The following ZC3H11A variants were observed in gnomAD, a reference collection of about 807,000 sequenced individuals.
The protein encoded by ZC3H11A is zinc finger CCCH-type containing 11A.
Under a neutral mutation model 90.8 loss-of-function variants are expected in ZC3H11A, and 22 were observed. The observed-to-expected ratio is 0.24, with a 90% CI of 0.17 to 0.35. The LOEUF (loss-of-function observed/expected upper bound fraction) is 0.35. ZC3H11A is among the 10% of genes least tolerant of loss of function. The pLI is 1.00. For synonymous variants in ZC3H11A, 294 were observed against 339.8 expected (o/e 0.87, Z 1.48); for missense variants, 701 against 964.9 (o/e 0.73, Z 3.62).
chr1:203,805,185 C>T (rs1338212808), intron 2 of ZC3H11A, among the ~76,000 whole-genome samples: 1 of 149,348 alleles, frequency 6.7e-6, no homozygotes. Flanking sequence ...CTCTGTCGCC[C>T]AGGCTGTGGG....
intron 3 of ZC3H11A, among the ~76,000 whole-genome samples, chr1:203,817,722 A>C (rs1242092533): frequency 1.3e-5 from 2 of 151,984 alleles, no homozygotes; most frequent in Non-Finnish European, 2.9e-5. Context: ...TATATGTTAA[A>C]AAAATTTGTT....
At chr1:203,823,654 G>C (rs566449654) in intron 4 of ZC3H11A, among the ~76,000 whole-genome samples, 1 of 152,346 alleles carries the variant, frequency 6.6e-6, no homozygotes, top group Admixed American at 6.5e-5. Context: ...TCTAAGAGCT[G>C]CTATGCTAAC....
intron 4 of ZC3H11A, among the ~76,000 whole-genome samples, chr1:203,822,592 G>T (rs1320820444): frequency 6.6e-6 from 1 of 151,924 alleles, no homozygotes; most frequent in Non-Finnish European, 1.5e-5. Context: ...ACCCCACTTG[G>T]TCTTTGATGC....
chr1:203,809,181 T>TTTTG (rs1027452224), intron 2 of ZC3H11A, among the ~76,000 whole-genome samples: 2 of 140,462 alleles, frequency 1.4e-5, no homozygotes, highest in African/African-American at 5.3e-5. Flanking sequence ...TGTTTTTTTT[T>TTTTG]TTTTTTTTTT....
chr1:203,827,192 T>C (rs1271141322), intron 4 of ZC3H11A, among the ~76,000 whole-genome samples: 1 of 152,186 alleles, frequency 6.6e-6, no homozygotes, highest in Non-Finnish European at 1.5e-5. Flanking sequence ...CATTCTAGTA[T>C]TGATGTACAC....
intron 17 of ZC3H11A, among the ~76,000 whole-genome samples, chr1:203,851,374 G>C (rs1189084888): frequency 6.6e-6 from 1 of 152,178 alleles, no homozygotes; most frequent in African/African-American, 2.4e-5. Flanking sequence ...GTGTCACCCA[G>C]ACTGGAGTGC....
intron 2 of ZC3H11A, among the ~76,000 whole-genome samples, chr1:203,810,616 T>C (rs540629124): frequency 1.2e-3 from 185 of 152,132 alleles, no homozygotes; most frequent in South Asian, 5.2e-3. Flanking sequence ...AGATGGGGTT[T>C]CACAGTGTCA....
chr1:203,805,936 C>T, intron 2 of ZC3H11A: 1 of 650,574 alleles, frequency 1.5e-6, no homozygotes, highest in East Asian at 3.6e-5. Flanking sequence ...TTCCTTTGCT[C>T]CCAGTTTCAT....
intron 12 of ZC3H11A, among the ~76,000 whole-genome samples, chr1:203,840,800 A>G (rs1014337793): frequency 9.9e-5 from 15 of 151,810 alleles, no homozygotes; most frequent in African/African-American, 3.4e-4. Context: ...TGCCTTGCTA[A>G]TATTTGTATT....
intron 1 of ZC3H11A, chr1:203,798,210 A>C (rs1226788379): frequency 5.2e-6 from 8 of 1,536,190 alleles, no homozygotes; most frequent in Non-Finnish European, 7.0e-6. Flanking sequence ...TAGAATGGGC[A>C]AGAAGCATGA....
intron 2 of ZC3H11A, chr1:203,805,748 C>T: frequency 1.5e-6 from 1 of 673,420 alleles, no homozygotes; most frequent in Non-Finnish European, 2.8e-6. Flanking sequence ...TCTTGGTCAG[C>T]CACAAGCTCA....
At chr1:203,837,904 G>T in intron 10 of ZC3H11A, 62 bp from the exon 11 acceptor site, 6 of 1,488,914 alleles carry the variant, frequency 4.0e-6, no homozygotes, top group African/African-American at 1.4e-5. Flanking sequence ...GTTTTTGTTT[G>T]TATTTCTTGT....
chr1:203,831,628 A>G (rs773347336), intron 8 of ZC3H11A, 33 bp from the exon 9 acceptor site: 2 of 1,576,474 alleles, frequency 1.3e-6, no homozygotes, highest in East Asian at 4.5e-5. Context: ...TTTTCCATAA[A>G]TTATTTGCTG....
At chr1:203,798,177 C>G in intron 1 of ZC3H11A, 1 of 1,536,102 alleles carries the variant, frequency 6.5e-7, no homozygotes, top group Non-Finnish European at 8.7e-7. Flanking sequence ...TGAATATATT[C>G]CTACTGATCC....
chr1:203,820,237 GA>G (rs542435423), intron 4 of ZC3H11A, among the ~76,000 whole-genome samples: 2,967 of 102,800 alleles, frequency 0.029, 70 homozygotes, highest in African/African-American at 0.077. Context: ...TCCATCTCAA[GA>G]AAAAAAAAAA....
At chr1:203,828,171 A>C in intron 4 of ZC3H11A, 128 bp from the exon 5 acceptor site, 2 of 1,058,784 alleles carry the variant, frequency 1.9e-6, no homozygotes, top group Non-Finnish European at 1.4e-6. Flanking sequence ...TCTTCCTTCT[A>C]AAAATCATCT....
intron 1 of ZC3H11A, chr1:203,800,451 A>T: frequency 6.7e-7 from 1 of 1,487,288 alleles, no homozygotes; most frequent in African/African-American, 1.4e-5. Context: ...TGAAAAAGAA[A>T]TACTGCCTTA....
chr1:203,846,115 CAAAA>C (rs34793133), intron 12 of ZC3H11A, among the ~76,000 whole-genome samples: 3 of 53,178 alleles, frequency 5.6e-5, no homozygotes, highest in Non-Finnish European at 3.6e-5. Flanking sequence ...TCGTCTTTAC[CAAAA>C]AAAAAAAAAA....
intron 12 of ZC3H11A, among the ~76,000 whole-genome samples, chr1:203,841,587 CT>C (rs1686222050): frequency 1.3e-5 from 2 of 152,226 alleles, no homozygotes; most frequent in African/African-American, 4.8e-5. Context: ...TCTGATCTCT[CT>C]TTCTTTTCCC....
Sources: allele counts gnomAD v4.1 joint callset (sites outside exome capture counted in the v4.1 genomes callset), GRCh38; gene constraint gnomAD v4.1.1; transcripts MANE v1.5; gene names NCBI Gene and HGNC (gene_info 2026-07-23, HGNC 2026-07-21).